Variants in ZNF438 observed in about 807,000 individuals in gnomAD.
The protein encoded by ZNF438 is zinc finger protein 438.
Under a neutral mutation model 38.0 loss-of-function variants are expected in ZNF438, and 25 were observed. The ratio of observed to expected loss-of-function variants is 0.66; its 90% CI spans 0.48 to 0.92. The LOEUF is 0.92. ZNF438 is among the 40% of genes least tolerant of loss of function. The probability of loss-of-function intolerance (pLI) is 0.00; values close to 1 mark genes in which losing one functional copy is unlikely to be tolerated. For missense variants in ZNF438, 1,007 were observed against 999.6 expected (o/e 1.01, Z -0.10); for synonymous variants, 372 against 364.1 (o/e 1.02, Z -0.25).
chr10:30,932,836 A>C, intron 2 of ZNF438, among the ~76,000 whole-genome samples: 1 of 152,204 alleles, frequency 6.6e-6, no homozygotes, highest in East Asian at 1.9e-4. Context: ...TCCTCACAAG[A>C]GGAGGAAAAT....
chr10:30,849,776 G>A, exon 5 of ZNF438: 3 of 1,614,206 alleles, frequency 1.9e-6, no homozygotes, highest in South Asian at 1.1e-5. Context: ...ACTGCCATGG[G>A]TGTTGGTCAC....
In ZNF438 at chr10:30,958,646, A is replaced by G. The variant is rs563433893; in HGVS notation, c.-191-16995T>C. On this transcript the variant is annotated intron_variant, in intron 1 of 5. Transcript: ENST00000413025. ...CATTTATAGAGGACCAGAATGTACT[A>G]AATGGATGCAATCATCACTACAATC... 4.6e-4 allele frequency among the ~76,000 whole-genome samples: 67 copies of G among 147,158 alleles called. 13 individuals are homozygous for G. The highest frequency in any genetic ancestry group is 9.3e-4 in the Non-Finnish European group (60 of 64,822).
exon 5 of ZNF438, chr10:30,849,955 A>G (rs1348142591): frequency 6.2e-7 from 1 of 1,614,026 alleles, no homozygotes. Context: ...GGGTTTGGGC[A>G]GGAGCTTTGC....
intron 1 of ZNF438, among the ~76,000 whole-genome samples, chr10:30,969,022 G>C (rs1564760661): frequency 6.6e-6 from 1 of 151,910 alleles, no homozygotes; most frequent in Non-Finnish European, 1.5e-5. Flanking sequence ...ATACAATGGA[G>C]AAAAAAGTGG....
At chr10:31,012,117 T>A (rs1303203662) in intron 1 of ZNF438, among the ~76,000 whole-genome samples, 1 of 139,840 alleles carries the variant, frequency 7.2e-6, no homozygotes, top group East Asian at 2.0e-4. Context: ...TCTCATTTTC[T>A]TTTTTTTTTT....
chr10:30,988,394 T>C (rs1334572187), intron 1 of ZNF438, among the ~76,000 whole-genome samples: 2 of 152,084 alleles, frequency 1.3e-5, no homozygotes, highest in Non-Finnish European at 2.9e-5. Flanking sequence ...AATACAACCG[T>C]ATTTTTAAAA....
At chr10:30,870,318 C>A (rs1436343121) in intron 4 of ZNF438, among the ~76,000 whole-genome samples, 1 of 152,180 alleles carries the variant, frequency 6.6e-6, no homozygotes, top group Non-Finnish European at 1.5e-5. Flanking sequence ...GTTTGAGCCA[C>A]TTGACACGCA....
At chr10:30,854,280 C>T (rs983312635) in intron 4 of ZNF438, among the ~76,000 whole-genome samples, 2 of 152,162 alleles carry the variant, frequency 1.3e-5, no homozygotes, top group African/African-American at 4.8e-5. Flanking sequence ...CGCCACTGCA[C>T]TGCAGCCTGG....
In ZNF438 at chr10:30,929,976, T is replaced by C. The variant is rs1271138627; in HGVS notation, c.-115+11599A>G. Among the ~76,000 whole-genome samples, 4 of 152,206 alleles carry C rather than the reference T, an allele frequency of 2.6e-5. No individual in the cohort carries two copies. In the East Asian group the frequency reaches 7.7e-4, roughly 29 times the overall value. On this transcript the variant is annotated intron_variant, in intron 2 of 5. Transcript: ENST00000413025. ...TATAAAAGTTCTCCAAGTCCCCAAC[T>C]GACTCAGGAGCCCATCTGGCTTCAC...
At chr10:30,903,255 C>T (rs556691138) in intron 3 of ZNF438, among the ~76,000 whole-genome samples, 4 of 152,298 alleles carry the variant, frequency 2.6e-5, no homozygotes, top group Non-Finnish European at 5.9e-5. Context: ...CACGGTGCAG[C>T]GGCGGGCTGA....
chr10:30,974,180 T>C (rs960487275), intron 1 of ZNF438, among the ~76,000 whole-genome samples: 1 of 152,146 alleles, frequency 6.6e-6, no homozygotes, highest in Non-Finnish European at 1.5e-5. Context: ...CAGGAAAAAA[T>C]GGTGATTTAA....
chr10:30,930,803 C>CAAAAAAAACAAAA (rs2045578549), intron 2 of ZNF438, among the ~76,000 whole-genome samples: 1 of 38,434 alleles, frequency 2.6e-5, no homozygotes, highest in African/African-American at 8.2e-5. Flanking sequence ...GAAACTCAGT[C>CAAAAAAAACAAAA]AAAAAAAAAA....
chr10:30,988,977 G>T (rs560571868), intron 1 of ZNF438, among the ~76,000 whole-genome samples: 1 of 152,160 alleles, frequency 6.6e-6, no homozygotes, highest in South Asian at 2.1e-4. Flanking sequence ...TCCATACTGT[G>T]GTGGGCCTTA....
intron 2 of ZNF438, chr10:30,910,267 C>T (rs994684032): frequency 1.3e-5 from 2 of 152,128 alleles, no homozygotes; most frequent in African/African-American, 2.4e-5. Context: ...GCAAGGAACC[C>T]TGGGAAAGAT....
At chr10:30,986,001 A>G (rs1417212052) in intron 1 of ZNF438, among the ~76,000 whole-genome samples, 1 of 152,220 alleles carries the variant, frequency 6.6e-6, no homozygotes, top group East Asian at 1.9e-4. Flanking sequence ...AGATAAATAA[A>G]TATTTACTAT....
chr10:31,010,892 G>GGAAA (rs2055616839), intron 1 of ZNF438, among the ~76,000 whole-genome samples: 2 of 92,594 alleles, frequency 2.2e-5, no homozygotes, highest in African/African-American at 1.1e-4. Context: ...GACCCTGTTT[G>GGAAA]AAAAAAAAAA....
Position 30,977,840 on chromosome 10 carries a change from G to A in ZNF438, c.-191-36189C>T, listed in dbSNP as rs528264343. ...TCTACTAAAAATACAAAAACTAGCCGGGCATGGTGGCGGGCACCTGTAGTC... is the reference window on the plus strand; with the variant it reads ...TCTACTAAAAATACAAAAACTAGCCAGGCATGGTGGCGGGCACCTGTAGTC... On this transcript the variant is annotated intron_variant, in intron 1 of 5. Transcript: ENST00000413025. Among the ~76,000 whole-genome samples the A allele has an allele frequency of 2.9e-3, 444 of 151,934 alleles. 1 individual carries two copies. The highest frequency in any genetic ancestry group is 9.7e-3 in the African/African-American group (401 of 41,430).
chr10:30,965,069 C>T (rs2049960260), intron 1 of ZNF438, among the ~76,000 whole-genome samples: 1 of 152,082 alleles, frequency 6.6e-6, no homozygotes, highest in African/African-American at 2.4e-5. Context: ...TATCCAGAAT[C>T]CATAAGGAAC....
intron 2 of ZNF438, among the ~76,000 whole-genome samples, chr10:30,924,794 G>A (rs2044721880): frequency 6.6e-6 from 1 of 152,152 alleles, no homozygotes; most frequent in African/African-American, 2.4e-5. Context: ...GCTATTGAAT[G>A]CAATGTGGTA....
Sources: gnomAD v4.1 joint callset for allele counts (sites outside exome capture counted in the v4.1 genomes callset) on GRCh38, gnomAD v4.1.1 for gene constraint, MANE v1.5 for transcripts, NCBI Gene and HGNC (gene_info 2026-07-23, HGNC 2026-07-21) for gene names.